Variants in POLR1E observed in about 807,000 individuals in gnomAD.
POLR1E encodes the protein RNA polymerase I subunit E, also known as DNA-directed RNA polymerase I subunit RPA49.
In POLR1E, 37 loss-of-function variants were observed where a neutral mutation model predicts 50.9. That is an observed-to-expected ratio of 0.73 (90% CI 0.56 to 0.96). The LOEUF is 0.96. POLR1E is among the 40% of genes least tolerant of loss of function. The pLI is 0.00. For missense variants in POLR1E, 426 were observed against 518.1 expected (o/e 0.82, Z 1.73); for synonymous variants, 166 against 191.6 (o/e 0.87, Z 1.10).
Position 37,493,715 on chromosome 9 carries a change from G to A in POLR1E, c.547+12G>A. 6.6e-7 allele frequency: 1 copy of A among 1,515,368 alleles called. No homozygotes were observed. Among genetic ancestry groups the A allele is most frequent in the African/African-American group, 1.4e-5 (1 of 72,016 alleles). The allele number at this position is 1,515,368 out of a possible 1,614,324, so 93.9% of individuals were successfully genotyped here. ...GAAGGGTGTGACTGGTAAGAAGTTG[G>A]AACTTGGGCTAAGAGTCTGCCCATA... On this transcript the variant is annotated intron_variant, in intron 6 of 11. Coordinates refer to ENST00000377798, the MANE Select transcript of POLR1E (RefSeq NM_022490.4).
At chr9:37,501,528 T>C (rs990743367) in intron 10 of POLR1E, among the ~76,000 whole-genome samples, 185 bp from the exon 11 acceptor site, 2 of 152,262 alleles carry the variant, frequency 1.3e-5, no homozygotes, top group East Asian at 3.9e-4. Flanking sequence ...ACTGGCACAC[T>C]GCTCCACTGT....
At chr9:37,486,871 G>A in intron 2 of POLR1E, 65 bp downstream of exon 2, 1 of 1,536,088 alleles carries the variant, frequency 6.5e-7, no homozygotes, top group Non-Finnish European at 8.7e-7. Flanking sequence ...GGAGTGGGTG[G>A]ATGTGGGAGG....
At chr9:37,502,966 C>T in intron 11 of POLR1E, 77 bp from the exon 12 acceptor site, 1 of 1,406,148 alleles carries the variant, frequency 7.1e-7, no homozygotes, top group Non-Finnish European at 9.6e-7. Flanking sequence ...CATGAATGTG[C>T]TGCTACCTTT....
chr9:37,488,994 T>A (rs1820628122), intron 3 of POLR1E, among the ~76,000 whole-genome samples: 1 of 152,052 alleles, frequency 6.6e-6, no homozygotes, highest in African/African-American at 2.4e-5. Flanking sequence ...ATCCCAGCAC[T>A]TTGGGAGGCT....
chr9:37,486,450 G>C (rs1820576659), intron 1 of POLR1E: 1 of 1,549,480 alleles, frequency 6.5e-7, no homozygotes, highest in Non-Finnish European at 8.7e-7. Flanking sequence ...TATGTACCAG[G>C]CCTCTGCTGT....
At chr9:37,490,694 A>G in intron 4 of POLR1E, 1 of 693,608 alleles carries the variant, frequency 1.4e-6, no homozygotes. Flanking sequence ...GCAGCATGCT[A>G]AACTGTAGAC....
In POLR1E at chr9:37,490,743, C is replaced by G. The variant is rs1588799969; in HGVS notation, c.343+1343C>G. ...CCATGGTAACACTTGAGGGGCATTC[C>G]TTTTTGAACAGTACCCATTCCCTTG... On this transcript the variant is annotated intron_variant, in intron 4 of 11. Coordinates refer to ENST00000377798, the MANE Select transcript of POLR1E (RefSeq NM_022490.4). 6.1e-6 allele frequency: 4 copies of G among 660,918 alleles called. No homozygotes were observed. In the East Asian group the frequency reaches 1.3e-4, roughly 22 times the overall value. The allele number at this position is 660,918 out of a possible 1,614,324, so 40.9% of individuals were successfully genotyped here.
intron 10 of POLR1E, 45 bp from the exon 11 acceptor site, chr9:37,501,668 T>C (rs367648127): frequency 1.3e-6 from 2 of 1,593,786 alleles, no homozygotes; most frequent in African/African-American, 2.7e-5. Flanking sequence ...AGAAATTGTC[T>C]GAGAGTTTAA....
At position 37,493,588 on chromosome 9, in the gene POLR1E, C is replaced by G; in HGVS notation, c.432C>G (p.Thr144=). The G allele has an allele frequency of 3.1e-6, 5 of 1,608,312 alleles. No homozygotes were observed. Among genetic ancestry groups the G allele is most frequent in the Non-Finnish European group, 4.2e-6 (5 of 1,176,960 alleles). ...ATTCTTGTATTGAAGCCTTTGGTAC[C>G]ACCAAACAGAAGCGAGCTCTGAACA... ...KMDSCIEAFG[T]TKQKRALNTR... Residue 144 remains threonine (T), a synonymous_variant, in exon 6 of 12, where the codon ACC becomes ACG. Coordinates refer to ENST00000377798, the MANE Select transcript of POLR1E (RefSeq NM_022490.4).
chr9:37,491,466 A>ATT (rs35743467), intron 4 of POLR1E, among the ~76,000 whole-genome samples: 9 of 145,676 alleles, frequency 6.2e-5, no homozygotes, highest in African/African-American at 2.3e-4. Context: ...TTTATACATA[A>ATT]TTTTTTTTTT....
Position 37,489,505 on chromosome 9 carries a change from AATTT to A in POLR1E, c.343+113_343+116del, listed in dbSNP as rs894152035. 88 of 737,270 alleles carry A rather than the reference AATTT, an allele frequency of 1.2e-4. 1 individual carries two copies. In the African/African-American group the frequency reaches 1.5e-3, roughly 13 times the overall value. The allele number at this position is 737,270 out of a possible 1,614,324, so 45.7% of individuals were successfully genotyped here. A position where few individuals can be genotyped will look rare whatever the true frequency, so the allele number is the denominator to read the frequency against. ...ATAAAACACATTTTATAGTTATTTT[AATTT>A]ATTTATTCTGTTTTTTCTGCTTTGT... On this transcript the variant is annotated intron_variant, in intron 4 of 11. Coordinates refer to ENST00000377798, the MANE Select transcript of POLR1E (RefSeq NM_022490.4).
chr9:37,486,161 C>T, intron 1 of POLR1E, 38 bp downstream of exon 1: 2 of 1,546,696 alleles, frequency 1.3e-6, no homozygotes, highest in African/African-American at 1.4e-5. Flanking sequence ...TCCTCTAACC[C>T]TCTCCCCTTC....
chr9:37,498,208 G>C lies in POLR1E; in HGVS notation c.870G>C (p.Arg290Ser), dbSNP rs746819305. ...LDTLIKFRAH[R>S]VVKRKSALGP... ...CCCTCATCAAATTTCGAGCTCATAGGGTAGTTAAGCGGAAAAGTAAGTCTA... is the reference window on the plus strand; with the variant it reads ...CCCTCATCAAATTTCGAGCTCATAGCGTAGTTAAGCGGAAAAGTAAGTCTA... The change falls in exon 9 of 12, where the codon AGG becomes AGC. Residue 290 changes from arginine (R) to serine (S), a missense_variant. By Grantham distance (110) the Arg-to-Ser change is moderately radical. Coordinates refer to ENST00000377798, the MANE Select transcript of POLR1E (RefSeq NM_022490.4). 1 of 1,613,350 alleles carries C rather than the reference G, an allele frequency of 6.2e-7. No individual in the cohort carries two copies. The highest frequency in any genetic ancestry group is 1.1e-5 in the South Asian group (1 of 90,906).
In POLR1E at chr9:37,495,218, C is replaced by A; in HGVS notation, c.597C>A (p.Tyr199Ter). ...ATGACTTGCAAGATGACTCCCTCTA[C>A]CTTCCTCCCTGCTATGATGATGCAG... ...IHNDLQDDSL[Y>*]LPPCYDDAAK... is the part of the protein sequence containing the mutation. Residue 199 changes from tyrosine (Y) to a stop codon, truncating the protein, a stop_gained, in exon 7 of 12, where the codon TAC (tyrosine) becomes TAA (stop). Coordinates refer to ENST00000377798, the MANE Select transcript of POLR1E (RefSeq NM_022490.4). LOFTEE classifies it high-confidence loss of function. 6.2e-7 allele frequency: 1 copy of A among 1,614,174 alleles called. No homozygotes were observed. Among genetic ancestry groups the A allele is most frequent in the Non-Finnish European group, 8.5e-7 (1 of 1,180,026 alleles).
In POLR1E at chr9:37,498,167, A is replaced by G. The variant is rs372296571; in HGVS notation, c.829A>G (p.Ile277Val). The G allele has an allele frequency of 6.2e-6, 10 of 1,613,942 alleles. No individual in the cohort carries two copies. The highest frequency in any genetic ancestry group is 3.3e-5 in the Admixed American group (2 of 59,994). Residue 277 changes from isoleucine to valine, a missense_variant, in exon 9 of 12, where the codon ATA becomes GTA. Physicochemically the swap from Ile to Val is conservative, Grantham distance 29 (BLOSUM62 3). Transcript: ENST00000377798. ...GAGCCGAGACCGCCAGGCCCGATGC[A>G]TATGGTTTCTGGATACCCTCATCAA... ...VESRDRQARCIWFLDTLIKFR... is the reference protein window; with the variant it reads ...VESRDRQARCVWFLDTLIKFR...
chr9:37,495,025 G>GA (rs1820759486), intron 6 of POLR1E, 144 bp from the exon 7 acceptor site: 1 of 666,864 alleles, frequency 1.5e-6, no homozygotes, highest in Non-Finnish European at 2.7e-6. Flanking sequence ...CAGTCAGCCT[G>GA]ATGGGGAGGC....
intron 6 of POLR1E, among the ~76,000 whole-genome samples, chr9:37,494,268 C>G (rs1820746035): frequency 1.3e-5 from 2 of 151,850 alleles, no homozygotes; most frequent in Admixed American, 6.6e-5. Flanking sequence ...GATCTTGAAC[C>G]CTTGGCTTCA....
chr9:37,501,430 C>T (rs1820886473), intron 10 of POLR1E, among the ~76,000 whole-genome samples: 1 of 152,232 alleles, frequency 6.6e-6, no homozygotes, highest in Non-Finnish European at 1.5e-5. Context: ...GGGACAGACT[C>T]ACAGGGCCCT....
chr9:37,497,975 G>A, intron 8 of POLR1E, 116 bp from the exon 9 acceptor site: 1 of 1,210,650 alleles, frequency 8.3e-7, no homozygotes, highest in Non-Finnish European at 1.1e-6. Flanking sequence ...GGTTTCATCA[G>A]CTGTTGAGTG....
Sources: allele counts gnomAD v4.1 joint callset (sites outside exome capture counted in the v4.1 genomes callset), GRCh38; gene constraint gnomAD v4.1.1; transcripts MANE v1.5; gene names NCBI Gene and HGNC (gene_info 2026-07-23, HGNC 2026-07-21).